The following PROK2 variants were observed in gnomAD, a reference collection of about 807,000 sequenced individuals.
PROK2 encodes the protein prokineticin 2, also known as prokineticin-2.
In PROK2, 8 loss-of-function variants were observed where a neutral mutation model predicts 14.2. The ratio of observed to expected loss-of-function variants is 0.56; its 90% CI spans 0.33 to 1.02. The LOEUF (loss-of-function observed/expected upper bound fraction) is 1.02, where lower values mean the gene tolerates loss of function less well. Ranked by LOEUF, PROK2 falls within the 50% of genes least tolerant of loss-of-function variation. The probability of loss-of-function intolerance (pLI) is 0.03; values close to 1 mark genes in which losing one functional copy is unlikely to be tolerated. For missense variants in PROK2, 154 were observed against 160.4 expected (o/e 0.96, Z 0.22); for synonymous variants, 59 against 60.7 (o/e 0.97, Z 0.13).
At chr3:71,774,367 T>G in intron 3 of PROK2, 78 bp downstream of exon 3, 1 of 1,550,202 alleles carries the variant, frequency 6.5e-7, no homozygotes, top group Non-Finnish European at 8.7e-7. Context: ...CAGACCCAAC[T>G]CTATGGTAGT....
intron 2 of PROK2, among the ~76,000 whole-genome samples, chr3:71,776,209 T>C (rs1257687950): frequency 6.6e-6 from 1 of 152,140 alleles, no homozygotes; most frequent in Non-Finnish European, 1.5e-5. Context: ...GACCCTAACA[T>C]AATGATTACA....
chr3:71,772,880 A>C (rs766218698), intron 3 of PROK2, 52 bp from the exon 4 acceptor site: 2 of 1,478,140 alleles, frequency 1.4e-6, no homozygotes, highest in East Asian at 4.5e-5. Flanking sequence ...AAAAACAAAC[A>C]AACCAAATCA....
intron 2 of PROK2, among the ~76,000 whole-genome samples, chr3:71,780,504 T>C (rs988221042): frequency 6.6e-6 from 1 of 152,226 alleles, no homozygotes; most frequent in Non-Finnish European, 1.5e-5. Flanking sequence ...AAGTATACAA[T>C]GTGTAGAAAG....
intron 1 of PROK2, among the ~76,000 whole-genome samples, chr3:71,784,350 T>C (rs904250981): frequency 1.3e-5 from 2 of 152,114 alleles, no homozygotes; most frequent in Non-Finnish European, 2.9e-5. Flanking sequence ...ATTTAAAACT[T>C]TTATGGGGAT....
chr3:71,779,477 A>C (rs772961557), intron 2 of PROK2, among the ~76,000 whole-genome samples: 19 of 152,240 alleles, frequency 1.2e-4, no homozygotes, highest in Non-Finnish European at 2.2e-4. Flanking sequence ...AACAAGGTGC[A>C]ATTATGATTG....
chr3:71,781,300 T>C (rs2050158391), intron 2 of PROK2, among the ~76,000 whole-genome samples, 167 bp downstream of exon 2: 1 of 152,216 alleles, frequency 6.6e-6, no homozygotes, highest in South Asian at 2.1e-4. Flanking sequence ...TACAATTCTT[T>C]GAAATGAAAG....
At chr3:71,776,918 A>C (rs2050124758) in intron 2 of PROK2, among the ~76,000 whole-genome samples, 1 of 152,266 alleles carries the variant, frequency 6.6e-6, no homozygotes, top group Non-Finnish European at 1.5e-5. Context: ...AATTCCAAAC[A>C]GCAAATTCTA....
chr3:71,772,551 T>C lies in PROK2; in HGVS notation c.*173A>G, dbSNP rs2050087491. ...ATATTTCTATCCAAAAGTAAAATTC[T>C]CTTTCGATAAAAAAAAAAAAAAATC... is the stretch of plus-strand genomic sequence containing the variant. On this transcript the variant is annotated 3_prime_UTR_variant, in exon 4 of 4. Coordinates refer to ENST00000295619, the MANE Select transcript of PROK2 (RefSeq NM_001126128.2). 1.6e-6 allele frequency: 1 copy of C among 640,916 alleles called. No homozygotes were observed. Among genetic ancestry groups the C allele is most frequent in the Non-Finnish European group, 2.7e-6 (1 of 368,428 alleles). 39.7% of individuals were successfully genotyped at this position (640,916 alleles called of 1,614,324 possible). A position where few individuals can be genotyped will look rare whatever the true frequency, so the allele number is the denominator to read the frequency against.
At chr3:71,776,474 T>C (rs1172954063) in intron 2 of PROK2, among the ~76,000 whole-genome samples, 1 of 144,520 alleles carries the variant, frequency 6.9e-6, no homozygotes, top group African/African-American at 2.6e-5. Flanking sequence ...GCCTCCCAGG[T>C]TCAAGTGATG....
At position 71,772,681 on chromosome 3, in the gene PROK2, G is replaced by A. The variant is rs2050089052; in HGVS notation, c.*43C>T. The A allele has an allele frequency of 1.3e-6, 2 of 1,528,662 alleles. No homozygotes were observed. The highest frequency in any genetic ancestry group is 4.5e-5 in the East Asian group (2 of 44,484). The allele number at this position is 1,528,662 out of a possible 1,614,324, so 94.7% of individuals were successfully genotyped here. The stretch of plus-strand genomic sequence containing the variant: ...GCACAATCACAAGTAAGACTTTACA[G>A]GTAAGATGTGGCTATTCACATTTGG... On this transcript the variant is annotated 3_prime_UTR_variant, in exon 4 of 4. Transcript: ENST00000295619.
At chr3:71,777,191 C>G (rs948133358) in intron 2 of PROK2, among the ~76,000 whole-genome samples, 6 of 152,172 alleles carry the variant, frequency 3.9e-5, no homozygotes, top group African/African-American at 1.4e-4. Context: ...AGACTAAAGC[C>G]TATTTCTGTC....
Position 71,785,062 on chromosome 3 carries a change from G to C in PROK2, c.-10C>G. On this transcript the variant is annotated 5_prime_UTR_variant, in exon 1 of 4. Coordinates refer to ENST00000295619, the MANE Select transcript of PROK2 (RefSeq NM_001126128.2). ...AGCACAGGCTCCTCATGGCGCCCTC[G>C]GGACTGGGCGGCCGCCGGAGGCAGT... 1 of 1,234,750 alleles carries C rather than the reference G, an allele frequency of 8.1e-7. No homozygotes were observed. The highest frequency in any genetic ancestry group is 1.0e-6 in the Non-Finnish European group (1 of 985,286). The allele number at this position is 1,234,750 out of a possible 1,614,324, so 76.5% of individuals were successfully genotyped here.
At position 71,772,927 on chromosome 3, in the gene PROK2, T is replaced by C. The variant is rs183832168; in HGVS notation, c.286-99A>G. The C allele has an allele frequency of 1.2e-5, 12 of 996,918 alleles. No homozygotes were observed. In the East Asian group the frequency reaches 3.0e-4, roughly 25 times the overall value. The allele number at this position is 996,918 out of a possible 1,614,324, so 61.8% of individuals were successfully genotyped here. On this transcript the variant is annotated intron_variant, in intron 3 of 3. Transcript: ENST00000295619. ...GCTCTTTAAATAACAATAACTAGTG[T>C]TTACTGAGCGTTAACTACCCATTAG...
intron 1 of PROK2, among the ~76,000 whole-genome samples, chr3:71,783,702 A>G (rs899480467): frequency 1.4e-4 from 21 of 152,222 alleles, no homozygotes; most frequent in African/African-American, 4.3e-4. Context: ...GAGAAGAGGG[A>G]GAAAAAAATC....
chr3:71,780,786 C>T (rs1459016552), intron 2 of PROK2, among the ~76,000 whole-genome samples: 3 of 152,202 alleles, frequency 2.0e-5, no homozygotes, highest in African/African-American at 7.2e-5. Flanking sequence ...CCCCTGTAGA[C>T]AGGTGGGTCT....
At chr3:71,775,153 A>C (rs1237171140) in intron 2 of PROK2, among the ~76,000 whole-genome samples, 2 of 152,218 alleles carry the variant, frequency 1.3e-5, no homozygotes, top group Non-Finnish European at 2.9e-5. Flanking sequence ...GAGGTTGAGA[A>C]AAACAAACAC....
At chr3:71,778,053 C>T (rs975392889) in intron 2 of PROK2, among the ~76,000 whole-genome samples, 9 of 151,812 alleles carry the variant, frequency 5.9e-5, no homozygotes, top group Non-Finnish European at 1.3e-4. Flanking sequence ...AAACATTAGC[C>T]GGGCGTGGTT....
rs778136419 is a variant in PROK2 at position 71,775,368 on chromosome 3, C to T, written c.223-861G>A. ...GAGCAACACAGGTGAGGCTGTGCAT[C>T]GTGGAGCTTCCCTCTTGATCATACA... On this transcript the variant is annotated intron_variant, in intron 2 of 3. Coordinates refer to ENST00000295619, the MANE Select transcript of PROK2 (RefSeq NM_001126128.2). 2.0e-5 allele frequency among the ~76,000 whole-genome samples: 3 copies of T among 152,294 alleles called. No homozygotes were observed. The East Asian group carries it at 5.8e-4, about 29-fold the overall frequency.
rs2050088317 is a variant in PROK2, at chr3:71,772,603, A to T, written c.*121T>A. The T allele has an allele frequency of 6.1e-6, 5 of 824,274 alleles. No individual in the cohort carries two copies. The highest frequency in any genetic ancestry group is 3.0e-5 in the South Asian group (2 of 66,154). 51.1% of individuals were successfully genotyped at this position (824,274 alleles called of 1,614,324 possible). On this transcript the variant is annotated 3_prime_UTR_variant, in exon 4 of 4. Transcript: ENST00000295619. ...TTTACAAATCAAAGATAAAAATGTT[A>T]CTTGGAAAGTTGAGGAAGCAAGAGC...
Sources: gnomAD v4.1 joint callset for allele counts (sites outside exome capture counted in the v4.1 genomes callset) on GRCh38, gnomAD v4.1.1 for gene constraint, MANE v1.5 for transcripts, NCBI Gene and HGNC (gene_info 2026-07-23, HGNC 2026-07-21) for gene names.